The following QDPR variants were observed in gnomAD, a reference collection of about 807,000 sequenced individuals.
QDPR encodes the protein quinoid dihydropteridine reductase, also known as dihydropteridine reductase.
QDPR carries 23 observed loss-of-function variants against 31.7 expected under a neutral mutation model. The observed-to-expected ratio is 0.73, with a 90% CI of 0.52 to 1.03. The LOEUF is 1.03. Among genes scored for constraint, QDPR ranks in the 50% least tolerant of loss-of-function variants. QDPR has a pLI of 0.00. For synonymous variants in QDPR, 124 were observed against 124.7 expected (o/e 0.99, Z 0.03); for missense variants, 324 against 323.8 (o/e 1.00, Z 0.00).
At position 17,487,032 on chromosome 4, in the gene QDPR, C is replaced by T; in HGVS notation, c.*99G>A. The stretch of plus-strand genomic sequence containing the variant: ...AAAAATAGGACTCATTATCTCGTAC[C>T]ACAAACAGGGGTTACAGAAAACACA... On this transcript the variant is annotated 3_prime_UTR_variant, in exon 7 of 7. Coordinates refer to ENST00000281243, the MANE Select transcript of QDPR (RefSeq NM_000320.3). 1 of 933,872 alleles carries T rather than the reference C, an allele frequency of 1.1e-6. No homozygotes were observed. The highest frequency in any genetic ancestry group is 1.8e-6 in the Non-Finnish European group (1 of 567,902). The allele number at this position is 933,872 out of a possible 1,614,324, so 57.8% of individuals were successfully genotyped here.
intron 2 of QDPR, among the ~76,000 whole-genome samples, chr4:17,507,583 G>A (rs1425411021): frequency 3.4e-5 from 5 of 148,678 alleles, no homozygotes; most frequent in Admixed American, 2.1e-4. Flanking sequence ...CTGCTTAAGA[G>A]CATCAAAGAT....
At chr4:17,500,246 C>A (rs1718513880) in intron 4 of QDPR, among the ~76,000 whole-genome samples, 1 of 150,610 alleles carries the variant, frequency 6.6e-6, no homozygotes, top group Non-Finnish European at 1.5e-5. Flanking sequence ...AGCCACTGCA[C>A]CCGGCCAAAA....
intron 6 of QDPR, among the ~76,000 whole-genome samples, chr4:17,487,636 T>C (rs1718014299): frequency 6.6e-6 from 1 of 150,974 alleles, no homozygotes; most frequent in South Asian, 2.1e-4. Flanking sequence ...TGAGACTCCG[T>C]CTCACAAAAA....
At chr4:17,494,169 A>C (rs933543795) in intron 4 of QDPR, among the ~76,000 whole-genome samples, 1 of 152,168 alleles carries the variant, frequency 6.6e-6, no homozygotes, top group Non-Finnish European at 1.5e-5. Flanking sequence ...TCCTAAGGAT[A>C]ATACAACAAT....
chr4:17,511,853 G>A, intron 1 of QDPR, 97 bp downstream of exon 1: 1 of 1,325,468 alleles, frequency 7.5e-7, no homozygotes. Flanking sequence ...GGTGCACAGG[G>A]GCCCCCACCT....
At chr4:17,511,386 C>A (rs1719000456) in intron 1 of QDPR, among the ~76,000 whole-genome samples, 1 of 152,170 alleles carries the variant, frequency 6.6e-6, no homozygotes, top group Non-Finnish European at 1.5e-5. Flanking sequence ...TCCAATGGGG[C>A]TAAAAGAACA....
In QDPR at chr4:17,486,846, G is replaced by A. The variant is rs1284772128; in HGVS notation, c.*285C>T. 1.4e-5 allele frequency: 6 copies of A among 438,182 alleles called. No individual in the cohort carries two copies. Among genetic ancestry groups the A allele is most frequent in the Admixed American group, 1.0e-4 (3 of 28,952 alleles). 27.1% of individuals were successfully genotyped at this position (438,182 alleles called of 1,614,324 possible). On this transcript the variant is annotated 3_prime_UTR_variant, in exon 7 of 7. Transcript: ENST00000281243. ...AGGACAGATGAACAGTCACAAAAGC[G>A]ATCCAACATGACACCGCTATAGCAG...
At chr4:17,489,840 A>G (rs1289999055) in intron 6 of QDPR, among the ~76,000 whole-genome samples, 1 of 152,192 alleles carries the variant, frequency 6.6e-6, no homozygotes, top group Non-Finnish European at 1.5e-5. Context: ...AACTTCACAA[A>G]CATCTCTTAT....
intron 2 of QDPR, among the ~76,000 whole-genome samples, chr4:17,505,702 T>G (rs540777233): frequency 6.6e-6 from 1 of 152,138 alleles, no homozygotes; most frequent in Non-Finnish European, 1.5e-5. Context: ...TAGTTTTTTT[T>G]AAAAAAGACT....
At position 17,498,830 on chromosome 4, in the gene QDPR, A is replaced by C. The variant is rs537712389; in HGVS notation, c.436+2889T>G. ...AGTGAAAAACTTCTGATGTGCAAAC[A>C]AATCTTCTTGAGTTTGAGGGACTAC... On this transcript the variant is annotated intron_variant, in intron 4 of 6. Coordinates refer to ENST00000281243, the MANE Select transcript of QDPR (RefSeq NM_000320.3). 1.9e-3 allele frequency among the ~76,000 whole-genome samples: 286 copies of C among 151,382 alleles called. 2 individuals carry two copies. Among genetic ancestry groups the C allele is most frequent in the Non-Finnish European group, 1.9e-4 (13 of 68,026 alleles).
At chr4:17,489,176 G>A (rs1355818924) in intron 6 of QDPR, among the ~76,000 whole-genome samples, 1 of 152,240 alleles carries the variant, frequency 6.6e-6, no homozygotes, top group Admixed American at 6.5e-5. Flanking sequence ...AGGGATGGTA[G>A]AGGAAGGATG....
intron 4 of QDPR, among the ~76,000 whole-genome samples, chr4:17,495,753 AAT>A (rs1718325667): frequency 6.6e-6 from 1 of 152,178 alleles, no homozygotes; most frequent in Admixed American, 6.5e-5. Context: ...TCAGGCTTGT[AAT>A]CCTAGCACTT....
chr4:17,505,215 T>C (rs1016903508), intron 2 of QDPR, among the ~76,000 whole-genome samples: 1 of 151,896 alleles, frequency 6.6e-6, no homozygotes, highest in Non-Finnish European at 1.5e-5. Context: ...TCCCAATTGC[T>C]TCATTAAGAT....
At chr4:17,507,417 C>A (rs1404263886) in intron 2 of QDPR, among the ~76,000 whole-genome samples, 1 of 152,164 alleles carries the variant, frequency 6.6e-6, no homozygotes, top group Non-Finnish European at 1.5e-5. Context: ...CAGCTGCGCA[C>A]AGTGGCTACT....
chr4:17,500,475 C>A (rs1465412059), intron 4 of QDPR, among the ~76,000 whole-genome samples: 3 of 152,122 alleles, frequency 2.0e-5, no homozygotes, highest in African/African-American at 7.2e-5. Flanking sequence ...AAAGAGGCAA[C>A]AAAGTTAAAA....
At chr4:17,489,529 A>G (rs1718084673) in intron 6 of QDPR, among the ~76,000 whole-genome samples, 2 of 152,204 alleles carry the variant, frequency 1.3e-5, no homozygotes, top group Non-Finnish European at 2.9e-5. Context: ...TCAGCACACC[A>G]GTTAAGACCA....
intron 2 of QDPR, among the ~76,000 whole-genome samples, chr4:17,508,944 G>T (rs1718891915): frequency 6.6e-6 from 1 of 152,126 alleles, no homozygotes; most frequent in South Asian, 2.1e-4. Context: ...GGATCACAAG[G>T]TCAGGAGTTC....
intron 2 of QDPR, among the ~76,000 whole-genome samples, chr4:17,505,249 T>C (rs978126539): frequency 6.8e-6 from 1 of 146,598 alleles, no homozygotes; most frequent in Non-Finnish European, 1.5e-5. Context: ...ATTTCTTTTT[T>C]TTTTTTTTTT....
At chr4:17,509,067 A>AAT (rs1718899698) in intron 2 of QDPR, among the ~76,000 whole-genome samples, 1 of 152,204 alleles carries the variant, frequency 6.6e-6, no homozygotes, top group Non-Finnish European at 1.5e-5. Flanking sequence ...CTGAGGCAGG[A>AAT]GAATTGCTTC....
Sources: allele counts gnomAD v4.1 joint callset (sites outside exome capture counted in the v4.1 genomes callset), GRCh38; gene constraint gnomAD v4.1.1; transcripts MANE v1.5; gene names NCBI Gene and HGNC (gene_info 2026-07-23, HGNC 2026-07-21).